SEC24B: variants seen among roughly 807,000 people sequenced by gnomAD.
SEC24B encodes the protein SEC24 homolog B, COPII component.
SEC24B carries 45 observed loss-of-function variants against 142.8 expected under a neutral mutation model. The observed-to-expected ratio is 0.32, with a 90% CI of 0.25 to 0.40. The LOEUF (loss-of-function observed/expected upper bound fraction) is 0.40, where lower values mean the gene tolerates loss of function less well. Among genes scored for constraint, SEC24B ranks in the 10% least tolerant of loss-of-function variants. The probability of loss-of-function intolerance (pLI) is 1.00; values close to 1 mark genes in which losing one functional copy is unlikely to be tolerated. For synonymous variants in SEC24B, 574 were observed against 568.2 expected (o/e 1.01, Z -0.15); for missense variants, 1,409 against 1,526.8 (o/e 0.92, Z 1.29).
At chr4:109,501,731 C>T (rs1436715236) in intron 6 of SEC24B, among the ~76,000 whole-genome samples, 1 of 152,192 alleles carries the variant, frequency 6.6e-6, no homozygotes, top group Non-Finnish European at 1.5e-5. Context: ...TTCGGCCTCC[C>T]AAAGTGCTGG....
In SEC24B at chr4:109,530,404, ATTGATGGCGCCC is replaced by A; in HGVS notation, c.3193_3204del (p.Leu1065_Pro1068del). 1 of 1,614,170 alleles carries A rather than the reference ATTGATGGCGCCC, an allele frequency of 6.2e-7. No individual in the cohort carries two copies. On this transcript the variant is annotated inframe_deletion, in exon 19 of 24. Transcript: ENST00000265175. ...CTGTCTCAAATTTACAGCACTCTGC[ATTGATGGCGCCC>A]AGCTCCCTCAAGTTGTTTCCTCTCT... is the stretch of plus-strand genomic sequence containing the variant.
chr4:109,507,897 G>A (rs903334685), intron 7 of SEC24B, among the ~76,000 whole-genome samples: 10 of 151,998 alleles, frequency 6.6e-5, no homozygotes, highest in Non-Finnish European at 1.0e-4. Flanking sequence ...CGCCCACCTC[G>A]TCCTCCCAAA....
chr4:109,537,623 A>C (rs1344035958), intron 22 of SEC24B, among the ~76,000 whole-genome samples: 2 of 152,226 alleles, frequency 1.3e-5, no homozygotes, highest in African/African-American at 4.8e-5. Flanking sequence ...ATTGCACTCC[A>C]GTCTGGGCAA....
chr4:109,442,409 T>A (rs1434118939), intron 1 of SEC24B, among the ~76,000 whole-genome samples: 1 of 152,200 alleles, frequency 6.6e-6, no homozygotes, highest in East Asian at 1.9e-4. Context: ...TTAAAATGAA[T>A]ACCTGGGTGC....
rs568860758 is a variant in SEC24B, at chr4:109,516,472, A to G, written c.2014-56A>G. On this transcript the variant is annotated intron_variant, in intron 10 of 23. Coordinates refer to ENST00000265175, the MANE Select transcript of SEC24B (RefSeq NM_006323.5). ...AAATATCCAGTAGCAATAGTAATATATAAAAAGAATAAATTGTACCTACCA... is the reference window on the plus strand; with the variant it reads ...AAATATCCAGTAGCAATAGTAATATGTAAAAAGAATAAATTGTACCTACCA... 32 of 1,016,414 alleles carry G rather than the reference A, an allele frequency of 3.1e-5. 2 individuals carry two copies. In the South Asian group the frequency reaches 5.0e-4, roughly 16 times the overall value. The allele number at this position is 1,016,414 out of a possible 1,614,324, so 63.0% of individuals were successfully genotyped here.
intron 1 of SEC24B, among the ~76,000 whole-genome samples, chr4:109,460,132 T>C (rs1010100943): frequency 6.6e-6 from 1 of 152,156 alleles, no homozygotes; most frequent in Admixed American, 6.5e-5. Flanking sequence ...GGAATGTAGA[T>C]GATATTTTTC....
intron 4 of SEC24B, among the ~76,000 whole-genome samples, chr4:109,487,165 C>CAAAAA (rs372133489): frequency 3.7e-5 from 2 of 54,168 alleles, no homozygotes. Flanking sequence ...GACTCTGTCT[C>CAAAAA]AAAAAAAAAA....
rs370725223 is a variant in SEC24B at position 109,467,697 on chromosome 4, T to A, written c.877+4053T>A. Among the ~76,000 whole-genome samples the A allele has an allele frequency of 3.6e-3, 551 of 152,316 alleles. 4 individuals are homozygous for A. The highest frequency in any genetic ancestry group is 6.3e-3 in the Non-Finnish European group (427 of 68,026). On this transcript the variant is annotated intron_variant, in intron 2 of 23. Coordinates refer to ENST00000265175, the MANE Select transcript of SEC24B (RefSeq NM_006323.5). ...TTTACAAAGCACATACTTTTAAAAA[T>A]TAGCAAGATAAGTCTTGTTGCCAAG...
At chr4:109,458,572 A>C (rs1730938761) in intron 1 of SEC24B, among the ~76,000 whole-genome samples, 1 of 152,190 alleles carries the variant, frequency 6.6e-6, no homozygotes, top group African/African-American at 2.4e-5. Context: ...AAAAATGAAA[A>C]CCTAAATGGC....
chr4:109,463,170 C>G lies in SEC24B; in HGVS notation c.403C>G (p.Gln135Glu). ...TGTGGGATCCACTCTAGGATCTTTC[C>G]AAGGTGCTGCATCGTCAGCATCCCA... ...HIVGSTLGSF[Q>E]GAASSASHLH... Residue 135 changes from glutamine (Q) to glutamate (E), a missense_variant, in exon 2 of 24, where the codon CAA becomes GAA. Physicochemically the swap from Gln to Glu is conservative, Grantham distance 29. Around this residue, in one of 2 missense-constraint regions of SEC24B, gnomAD observed 709 missense variants for 673.5 expected, o/e 1.05. Coordinates refer to ENST00000265175, the MANE Select transcript of SEC24B (RefSeq NM_006323.5). 6.2e-7 allele frequency: 1 copy of G among 1,614,184 alleles called. No homozygotes were observed. Among genetic ancestry groups the G allele is most frequent in the Non-Finnish European group, 8.5e-7 (1 of 1,180,038 alleles).
At chr4:109,528,387 C>T (rs1037812112) in intron 18 of SEC24B, among the ~76,000 whole-genome samples, 6 of 150,288 alleles carry the variant, frequency 4.0e-5, no homozygotes, top group Admixed American at 2.0e-4. Context: ...GCCGAGGTCT[C>T]GCCACTGTAC....
intron 6 of SEC24B, among the ~76,000 whole-genome samples, chr4:109,505,192 A>G (rs1366522160): frequency 6.6e-6 from 1 of 152,108 alleles, no homozygotes; most frequent in Non-Finnish European, 1.5e-5. Flanking sequence ...AACCAAAAAG[A>G]TTAAAAATGA....
chr4:109,506,147 A>G (rs1246464160), intron 6 of SEC24B, among the ~76,000 whole-genome samples, 181 bp from the exon 7 acceptor site: 1 of 152,166 alleles, frequency 6.6e-6, no homozygotes, highest in Non-Finnish European at 1.5e-5. Context: ...ATAAGATTCA[A>G]ATTTATTCAG....
At chr4:109,531,313 G>A (rs1724905424) in intron 19 of SEC24B, 72 bp from the exon 20 acceptor site, 2 of 1,246,148 alleles carry the variant, frequency 1.6e-6, no homozygotes, top group East Asian at 2.3e-5. Flanking sequence ...ATGATTGACA[G>A]TGTATATTTG....
chr4:109,469,015 C>T (rs933412403), intron 2 of SEC24B, among the ~76,000 whole-genome samples: 20 of 152,098 alleles, frequency 1.3e-4, no homozygotes, highest in African/African-American at 4.8e-4. Context: ...ACTAAAGGCC[C>T]GGCATGTTGG....
intron 6 of SEC24B, among the ~76,000 whole-genome samples, chr4:109,501,752 G>A (rs1004315585): frequency 5.3e-5 from 8 of 152,162 alleles, no homozygotes; most frequent in African/African-American, 9.7e-5. Flanking sequence ...GATTACAGGC[G>A]CAAGCCACTG....
chr4:109,539,001 A>G (rs1725876991), intron 23 of SEC24B, among the ~76,000 whole-genome samples: 1 of 150,688 alleles, frequency 6.6e-6, no homozygotes, highest in Admixed American at 6.6e-5. Flanking sequence ...CGCTCTTGTC[A>G]CCCGGGCTGG....
Position 109,538,525 on chromosome 4 carries a change from A to G in SEC24B, c.3621A>G (p.Ser1207=). ...TTCCAGAGCTAGATACACTTTCATC[A>G]GAAAGAGCCAGATCCTTCATAACTT... ...THLPELDTLS[S]ERARSFITWL... is the part of the protein sequence containing the mutation. The change falls in exon 23 of 24, where the codon TCA becomes TCG. Residue 1207 remains serine (S), a synonymous_variant. Coordinates refer to ENST00000265175, the MANE Select transcript of SEC24B (RefSeq NM_006323.5). 1.2e-6 allele frequency: 2 copies of G among 1,613,288 alleles called. No homozygotes were observed. The highest frequency in any genetic ancestry group is 1.7e-6 in the Non-Finnish European group (2 of 1,179,276).
At chr4:109,495,851 C>T (rs1735490353) in intron 6 of SEC24B, among the ~76,000 whole-genome samples, 1 of 152,008 alleles carries the variant, frequency 6.6e-6, no homozygotes, top group Non-Finnish European at 1.5e-5. Context: ...GGCTGCTCTT[C>T]GTTAGAGAAT....
Sources: allele counts gnomAD v4.1 joint callset (sites outside exome capture counted in the v4.1 genomes callset), GRCh38; gene constraint gnomAD v4.1.1; regional missense constraint gnomAD v4.1.1; transcripts MANE v1.5; gene names NCBI Gene and HGNC (gene_info 2026-07-23, HGNC 2026-07-21).